Variants in PHRF1 observed in about 807,000 individuals in gnomAD.
PHRF1 encodes the protein PHD and RING finger domain-containing protein 1.
Under a neutral mutation model 128.9 loss-of-function variants are expected in PHRF1, and 53 were observed. The observed-to-expected ratio is 0.41, with a 90% CI of 0.33 to 0.52. The LOEUF is 0.52. Among genes scored for constraint, PHRF1 ranks in the 20% least tolerant of loss-of-function variants. The pLI, the probability that PHRF1 is intolerant of heterozygous loss-of-function variation, is 0.21. For synonymous variants in PHRF1, 1,178 were observed against 980.6 expected (o/e 1.20, Z -3.76); for missense variants, 2,503 against 2,284.5 (o/e 1.10, Z -1.95).
Position 581,455 on chromosome 11 carries a change from G to C in PHRF1, c.-21-37G>C, listed in dbSNP as rs190403153. On this transcript the variant is annotated intron_variant, in intron 1 of 17. Coordinates refer to ENST00000264555, the MANE Select transcript of PHRF1 (RefSeq NM_001286581.2). ...CTTCAGAGGGTTCTTTGCAGCCTGG[G>C]ACAGTTTGGAAGTTGCTTGGCTCTT... is the stretch of plus-strand genomic sequence containing the variant. 2.9e-4 allele frequency: 457 copies of C among 1,590,044 alleles called. 5 individuals carry two copies. In the East Asian group the frequency reaches 6.1e-3, roughly 21 times the overall value.
In PHRF1 at chr11:607,367, G is replaced by A. The variant is rs1856014326; in HGVS notation, c.1911G>A (p.Lys637=). The part of the protein sequence containing the change: ...SHSPWFNGTN[K]HTLPLASAAS... ...GCCCCTGGTTCAACGGCACCAACAA[G>A]CACACCTTGCCCCTTGCCTCTGCCG... Residue 637 remains lysine (K), a synonymous_variant, in exon 14 of 18, where the codon AAG becomes AAA. Transcript: ENST00000264555. The A allele has an allele frequency of 6.2e-7, 1 of 1,612,822 alleles. No individual in the cohort carries two copies. Among genetic ancestry groups the A allele is most frequent in the Non-Finnish European group, 8.5e-7 (1 of 1,179,888 alleles).
chr11:605,506 G>A (rs1184159757), intron 11 of PHRF1, 99 bp from the exon 12 acceptor site: 12 of 1,538,052 alleles, frequency 7.8e-6, no homozygotes, highest in Admixed American at 4.0e-5. Flanking sequence ...CCGCCACATG[G>A]CCAGTGCTCG....
intron 12 of PHRF1, among the ~76,000 whole-genome samples, chr11:606,074 C>G (rs1855921876): frequency 6.6e-6 from 1 of 152,256 alleles, no homozygotes; most frequent in Non-Finnish European, 1.5e-5. Context: ...ACCTTTTGGC[C>G]AGTTCTTTTG....
intron 3 of PHRF1, among the ~76,000 whole-genome samples, chr11:583,670 AC>A (rs1392987397): frequency 6.6e-6 from 1 of 152,008 alleles, no homozygotes; most frequent in Non-Finnish European, 1.5e-5. Context: ...AGGTGGGAGG[AC>A]CCTTGAGCCC....
At chr11:589,104 C>A (rs1162428827) in intron 4 of PHRF1, among the ~76,000 whole-genome samples, 1 of 151,642 alleles carries the variant, frequency 6.6e-6, no homozygotes, top group Non-Finnish European at 1.5e-5. Flanking sequence ...CCACTGCACT[C>A]CAGCCCGGCG....
At chr11:595,887 C>T (rs1344476027) in intron 6 of PHRF1, among the ~76,000 whole-genome samples, 1 of 152,196 alleles carries the variant, frequency 6.6e-6, no homozygotes, top group African/African-American at 2.4e-5. Flanking sequence ...AGTGCCCCCA[C>T]CCGCCGCCCC....
At chr11:588,654 C>T (rs4963140) in intron 4 of PHRF1, among the ~76,000 whole-genome samples, 76,068 of 151,832 alleles carry the variant, frequency 0.5, 21,092 homozygotes, top group East Asian at 0.73. Context: ...GCTGGGATTA[C>T]AGGCGTGAGC....
chr11:593,634 A>G (rs1855113189), intron 6 of PHRF1, among the ~76,000 whole-genome samples: 1 of 152,186 alleles, frequency 6.6e-6, no homozygotes, highest in African/African-American at 2.4e-5. Context: ...TTTTGCAGAC[A>G]CTGCAGGGGC....
At position 605,693 on chromosome 11, in the gene PHRF1, G is replaced by T. The variant is rs757464843; in HGVS notation, c.1423G>T (p.Val475Leu). Residue 475 changes from valine (V) to leucine (L), a missense_variant, in exon 12 of 18, where the codon GTG becomes TTG. By Grantham distance (32) the Val-to-Leu change is conservative (BLOSUM62 1). Coordinates refer to ENST00000264555, the MANE Select transcript of PHRF1 (RefSeq NM_001286581.2). Reference protein sequence around the residue: ...SRSALQSHQPVARPVSVGLSR... With the variant: ...SRSALQSHQPLARPVSVGLSR... ...GTCAGCCCTGCAGTCCCACCAGCCC[G>T]TGGCCAGGCCCGTCTCCGTGGGGCT... 6.2e-7 allele frequency: 1 copy of T among 1,612,890 alleles called. No individual in the cohort carries two copies.
At position 609,067 on chromosome 11, in the gene PHRF1, C is replaced by T. The variant is rs144841481; in HGVS notation, c.3611C>T (p.Ala1204Val). 59 of 1,598,382 alleles carry T rather than the reference C, an allele frequency of 3.7e-5. No individual in the cohort carries two copies. Among genetic ancestry groups the T allele is most frequent in the Admixed American group, 5.2e-5 (3 of 58,064 alleles). The change falls in exon 14 of 18, where the codon GCG (alanine) becomes GTG (valine). Residue 1204 changes from alanine (A) to valine (V), a missense_variant. Physicochemically the swap from Ala to Val is moderately conservative, Grantham distance 64. Transcript: ENST00000264555. ...GGGGCTGTGAGGGAGGCTTCCCCAGCGCCCCTTGCACAGGGGGAGCCAGGG... is the reference window on the plus strand; with the variant it reads ...GGGGCTGTGAGGGAGGCTTCCCCAGTGCCCCTTGCACAGGGGGAGCCAGGG... ...RKGAVREASP[A>V]PLAQGEPGRE...
chr11:587,700 T>C (rs73401029), intron 4 of PHRF1, among the ~76,000 whole-genome samples: 5,969 of 152,126 alleles, frequency 0.039, 403 homozygotes, highest in African/African-American at 0.14. Context: ...GGAGAGAGGA[T>C]GGCCGTGGGT....
rs369924594 is a variant in PHRF1 at position 608,498 on chromosome 11, C to T, written c.3042C>T (p.His1014=). The T allele has an allele frequency of 2.0e-5, 33 of 1,611,734 alleles. No homozygotes were observed. The highest frequency in any genetic ancestry group is 1.1e-4 in the African/African-American group (8 of 74,402). ...KAKRKRVSRE[H]GRTRSGTRSE... is the part of the protein sequence containing the mutation. The stretch of plus-strand genomic sequence containing the variant: ...AGAGGAAGAGGGTGTCCAGGGAGCA[C>T]GGACGGACGCGCTCTGGGACGCGCT... The change falls in exon 14 of 18, where the codon CAC becomes CAT. Residue 1014 remains histidine (H), a synonymous_variant. Transcript: ENST00000264555.
chr11:595,204 C>T (rs986694370), intron 6 of PHRF1, among the ~76,000 whole-genome samples: 1 of 152,130 alleles, frequency 6.6e-6, no homozygotes, highest in Non-Finnish European at 1.5e-5. Flanking sequence ...ACACCTGTAA[C>T]CCCCGATCCT....
chr11:611,142 T>C, intron 17 of PHRF1, 60 bp downstream of exon 17: 1 of 1,598,316 alleles, frequency 6.3e-7, no homozygotes, highest in Non-Finnish European at 8.5e-7. Flanking sequence ...GTCGCTGCTG[T>C]CTCGTCAGCA....
In PHRF1 at chr11:582,803, C is replaced by T. The variant is rs188820147; in HGVS notation, c.214+722C>T. On this transcript the variant is annotated intron_variant, in intron 3 of 17. Coordinates refer to ENST00000264555, the MANE Select transcript of PHRF1 (RefSeq NM_001286581.2). ...CCTCCCAAAGTGCTGGGATTACAGG[C>T]GTGAGCCACCGCGCCCGGCCTTTTT... 8.7e-3 allele frequency among the ~76,000 whole-genome samples: 1,323 copies of T among 151,412 alleles called. 21 individuals are homozygous for T. Among genetic ancestry groups the T allele is most frequent in the African/African-American group, 0.03 (1,253 of 41,396 alleles).
Position 610,505 on chromosome 11 carries a change from A to G in PHRF1, c.4421A>G (p.Tyr1474Cys). Residue 1474 changes from tyrosine to cysteine, a missense_variant, in exon 16 of 18, where the codon TAC (tyrosine) becomes TGC (cysteine). Coordinates refer to ENST00000264555, the MANE Select transcript of PHRF1 (RefSeq NM_001286581.2). The part of the protein sequence containing the change: ...GFPDTDPSQV[Y>C]SPGLPPAPAQ... The stretch of plus-strand genomic sequence containing the variant: ...CAGCAGGGGTGTCCCTCCCAGGTTT[A>G]CAGCCCCGGCCTGCCGCCTGCCCCG... 1 of 1,602,596 alleles carries G rather than the reference A, an allele frequency of 6.2e-7. No homozygotes were observed. The highest frequency in any genetic ancestry group is 2.2e-5 in the East Asian group (1 of 44,724).
At position 609,022 on chromosome 11, in the gene PHRF1, C is replaced by G. The variant is rs1454990048; in HGVS notation, c.3566C>G (p.Ser1189Cys). Reference protein sequence around the residue: ...RSREKWPQTRSHSPERKGAVR... With the variant: ...RSREKWPQTRCHSPERKGAVR... ...CGTGAGAAGTGGCCGCAGACCCGGT[C>G]CCATTCCCCAGAGAGGAAGGGGGCT... The change falls in exon 14 of 18, where the codon TCC becomes TGC. Residue 1189 changes from serine (S) to cysteine (C), a missense_variant. Physicochemically the swap from Ser to Cys is moderately radical, Grantham distance 112. Transcript: ENST00000264555. 1.3e-6 allele frequency: 2 copies of G among 1,596,026 alleles called. No homozygotes were observed. Among genetic ancestry groups the G allele is most frequent in the East Asian group, 2.3e-5 (1 of 44,164 alleles).
In PHRF1 at chr11:605,693, G is replaced by A. The variant is rs757464843; in HGVS notation, c.1423G>A (p.Val475Met). 31 of 1,612,772 alleles carry A rather than the reference G, an allele frequency of 1.9e-5. 1 individual carries two copies. The South Asian group carries it at 3.1e-4, about 16-fold the overall frequency. The change falls in exon 12 of 18, where the codon GTG becomes ATG. Residue 475 changes from valine (V) to methionine (M), a missense_variant. Transcript: ENST00000264555. ...SRSALQSHQP[V>M]ARPVSVGLSR... is the part of the protein sequence containing the mutation. ...GTCAGCCCTGCAGTCCCACCAGCCCGTGGCCAGGCCCGTCTCCGTGGGGCT... is the reference window on the plus strand; with the variant it reads ...GTCAGCCCTGCAGTCCCACCAGCCCATGGCCAGGCCCGTCTCCGTGGGGCT...
intron 3 of PHRF1, among the ~76,000 whole-genome samples, chr11:583,953 A>G (rs923064317): frequency 6.6e-6 from 1 of 152,136 alleles, no homozygotes; most frequent in Non-Finnish European, 1.5e-5. Context: ...TGGGCTGGAA[A>G]ATCCATGGTC....
Sources: gnomAD v4.1 joint callset for allele counts (sites outside exome capture counted in the v4.1 genomes callset) on GRCh38, gnomAD v4.1.1 for gene constraint, MANE v1.5 for transcripts, NCBI Gene and HGNC (gene_info 2026-07-23, HGNC 2026-07-21) for gene names.